PRH1: variants seen among roughly 807,000 people sequenced by gnomAD.
The protein encoded by PRH1 is salivary acidic proline-rich phosphoprotein 1/2.
A neutral mutation model predicts 7.9 loss-of-function variants in PRH1; 7 were observed. The ratio of observed to expected loss-of-function variants is 0.89; its 90% CI spans 0.50 to 1.67. PRH1 has a LOEUF of 1.67. PRH1 is among the 40% of genes most tolerant of loss of function. PRH1 has a pLI of 0.00. For synonymous variants in PRH1, 45 were observed against 80.8 expected (o/e 0.56, Z 2.38); for missense variants, 109 against 223.6 (o/e 0.49, Z 3.27).
chr12:11,141,237 T>A (rs1472142538), intron 1 of PRH1, among the ~76,000 whole-genome samples: 1 of 152,214 alleles, frequency 6.6e-6, no homozygotes, highest in Non-Finnish European at 1.5e-5. Context: ...TTTCACTAAG[T>A]TATTCTCTTG....
At chr12:10,945,965 T>C (rs1950480725) in intron 2 of PRH1, among the ~76,000 whole-genome samples, 1 of 152,166 alleles carries the variant, frequency 6.6e-6, no homozygotes, top group African/African-American at 2.4e-5. Context: ...GAGGTTAAGG[T>C]TATCTCCCTT....
rs1017580749 is a variant in PRH1, at chr12:10,910,401, C to T, written c.-58-26126G>A. On this transcript the variant is annotated intron_variant, in intron 2 of 3. Coordinates refer to the PRH1 transcript ENST00000539853. ...ATTTGGGAGATTGAGGCGGGAGGAC[C>T]GCTCGAGCCCAAAAGTTTGAGACCG... Among the ~76,000 whole-genome samples the T allele has an allele frequency of 7.2e-5, 11 of 151,970 alleles. No individual in the cohort carries two copies. The East Asian group carries it at 7.7e-4, about 11-fold the overall frequency.
At chr12:11,077,973 T>C in intron 1 of PRH1, 1 of 837,438 alleles carries the variant, frequency 1.2e-6, no homozygotes, top group South Asian at 1.3e-5. Context: ...AATGGTTGAT[T>C]ATTGCTGAGA....
intron 2 of PRH1, among the ~76,000 whole-genome samples, chr12:10,949,043 T>G (rs1950530634): frequency 6.6e-6 from 1 of 152,190 alleles, no homozygotes; most frequent in Non-Finnish European, 1.5e-5. Context: ...AGGTTCCTTG[T>G]GCCCTTCAGT....
intron 1 of PRH1, among the ~76,000 whole-genome samples, chr12:11,071,462 T>C (rs1480854983): frequency 1.3e-5 from 2 of 151,792 alleles, no homozygotes; most frequent in African/African-American, 4.8e-5. Context: ...AGCCAGTCTC[T>C]TTGCCAGAGC....
rs568548533 is a variant in PRH1, at chr12:10,986,405, A to G, written c.-125-12684T>C. On this transcript the variant is annotated intron_variant, in intron 1 of 3. Coordinates refer to the PRH1 transcript ENST00000539853. ...TTCCTTCATATTCTTCTGCCCACAT[A>G]CTCTCATCCATGTTTGCCACAAGAA... 4 of 1,613,874 alleles carry G rather than the reference A, an allele frequency of 2.5e-6. No homozygotes were observed. In the Admixed American group the frequency reaches 5.0e-5, roughly 20 times the overall value.
At chr12:10,901,821 G>GAA (rs35598290) in intron 2 of PRH1, among the ~76,000 whole-genome samples, 1 of 151,586 alleles carries the variant, frequency 6.6e-6, no homozygotes, top group East Asian at 1.9e-4. Flanking sequence ...GAAAGGGAAA[G>GAA]AAAAAAGAAC....
rs1277802512 is a variant in PRH1, at chr12:11,122,648, T to C, written n.40-1468A>G. On this transcript the variant is annotated intron_variant and non_coding_transcript_variant, in intron 1 of 1. Transcript: ENST00000541175. ...AAACATCATGTCAAATTTCCAAAAG[T>C]TGCAACTAAAATCAGAAAGTTTCTT... is the stretch of plus-strand genomic sequence containing the variant. 4.6e-5 allele frequency among the ~76,000 whole-genome samples: 7 copies of C among 152,398 alleles called. No homozygotes were observed. The South Asian group carries it at 1.2e-3, about 27-fold the overall frequency.
upstream of PRH1, chr12:11,048,885 C>CCT: frequency 3.6e-6 from 1 of 278,136 alleles, no homozygotes; most frequent in South Asian, 6.9e-5. Flanking sequence ...CATTCTTAAT[C>CCT]CTTTTCTTTA....
intron 2 of PRH1, among the ~76,000 whole-genome samples, chr12:10,916,769 C>T (rs1045372750): frequency 9.2e-5 from 14 of 151,854 alleles, no homozygotes; most frequent in African/African-American, 3.1e-4. Flanking sequence ...ATATTTGAGC[C>T]GGGCACAGTG....
intron 1 of PRH1, among the ~76,000 whole-genome samples, chr12:11,071,355 G>A (rs34711444): frequency 0.21 from 31,019 of 149,998 alleles, 3,954 homozygotes; most frequent in Non-Finnish European, 0.27. Flanking sequence ...TAGTGCAGGG[G>A]TTCAGTCAGA....
chr12:11,080,743 T>C lies in PRH1; in HGVS notation n.124-33555A>G, dbSNP rs9777778. ...TCCTTGCATGTTCAACTTTGTATTT[T>C]CAGTAATTTTATTTTATCTGAAAAA... On this transcript the variant is annotated intron_variant and non_coding_transcript_variant, in intron 1 of 4. Transcript: ENST00000541977. Among the ~76,000 whole-genome samples the C allele has an allele frequency of 1.2e-4, 12 of 98,784 alleles. 1 individual carries two copies. In the South Asian group the frequency reaches 3.3e-3, roughly 27 times the overall value. The allele number at this position is 98,784 out of a possible 152,430, so 64.8% of individuals were successfully genotyped here.
intron 2 of PRH1, among the ~76,000 whole-genome samples, chr12:10,916,093 A>G (rs2135838005): frequency 1.3e-5 from 2 of 152,330 alleles, no homozygotes; most frequent in South Asian, 4.1e-4. Flanking sequence ...ATGGTGGAAG[A>G]CAAAGAAAGA....
At chr12:10,971,278 A>G (rs1287583014) in intron 2 of PRH1, among the ~76,000 whole-genome samples, 2 of 152,218 alleles carry the variant, frequency 1.3e-5, no homozygotes, top group Non-Finnish European at 2.9e-5. Context: ...ATAAATTGCA[A>G]TGTATTAAAG....
chr12:10,922,293 A>G (rs1950056759), intron 2 of PRH1, among the ~76,000 whole-genome samples: 1 of 152,164 alleles, frequency 6.6e-6, no homozygotes, highest in Admixed American at 6.5e-5. Flanking sequence ...AAACTTTTTT[A>G]TAAAACATGT....
intron 1 of PRH1, among the ~76,000 whole-genome samples, chr12:11,017,484 A>AATTT (rs1454433464): frequency 4.0e-5 from 6 of 150,882 alleles, no homozygotes; most frequent in Non-Finnish European, 4.4e-5. Flanking sequence ...TCAATTAATT[A>AATTT]ATTTATTTAT....
intron 2 of PRH1, among the ~76,000 whole-genome samples, chr12:10,926,176 C>A (rs1298281737): frequency 6.6e-6 from 1 of 152,134 alleles, no homozygotes; most frequent in East Asian, 1.9e-4. Flanking sequence ...GTCTCAGAGA[C>A]CATTGTGTTT....
intron 2 of PRH1, among the ~76,000 whole-genome samples, chr12:10,960,276 T>C (rs1938176818): frequency 6.6e-6 from 1 of 152,200 alleles, no homozygotes; most frequent in Non-Finnish European, 1.5e-5. Context: ...GAAGCAGAGA[T>C]AAACGACTGA....
intron 1 of PRH1, among the ~76,000 whole-genome samples, chr12:11,099,811 T>C (rs1945181608): frequency 6.6e-6 from 1 of 152,184 alleles, no homozygotes; most frequent in Non-Finnish European, 1.5e-5. Flanking sequence ...AAAAGAACTC[T>C]GCTAAACCAA....
Sources: allele counts gnomAD v4.1 joint callset (sites outside exome capture counted in the v4.1 genomes callset), GRCh38; gene constraint gnomAD v4.1.1; transcripts MANE v1.5; gene names NCBI Gene and HGNC (gene_info 2026-07-23, HGNC 2026-07-21).